Variants in RIF1 observed in about 807,000 individuals in gnomAD.
RIF1 encodes the protein telomere-associated protein RIF1.
Under a neutral mutation model 247.1 loss-of-function variants are expected in RIF1, and 45 were observed. The ratio of observed to expected loss-of-function variants is 0.18; its 90% confidence interval spans 0.14 to 0.23. The LOEUF is 0.23. Ranked by LOEUF, RIF1 falls within the 10% of genes least tolerant of loss-of-function variation. The pLI is 1.00. For synonymous variants in RIF1, 1,087 were observed against 978.8 expected (o/e 1.11, Z -2.06); for missense variants, 2,967 against 2,862.5 (o/e 1.04, Z -0.83).
chr2:151,473,960 C>G lies in RIF1; in HGVS notation c.7096-4C>G. The stretch of plus-strand genomic sequence containing the variant: ...CGTTTTTTTCTGCTCCAACTGTAAT[C>G]AAGGTGAAGACTCGTGGACTAGAAG... On this transcript the variant is annotated splice_polypyrimidine_tract_variant and splice_region_variant and intron_variant, in intron 34 of 35. Coordinates refer to ENST00000444746, the MANE Select transcript of RIF1 (RefSeq NM_018151.5). The G allele has an allele frequency of 6.6e-7, 1 of 1,507,278 alleles. No individual in the cohort carries two copies. The highest frequency in any genetic ancestry group is 9.2e-7 in the Non-Finnish European group (1 of 1,089,574). The allele number at this position is 1,507,278 out of a possible 1,614,324, so 93.4% of individuals were successfully genotyped here. A position where few individuals can be genotyped will look rare whatever the true frequency, so the allele number is the denominator to read the frequency against.
At chr2:151,492,564 T>C (rs1004370526) in intron 9 of RIF1, 4 of 1,142,624 alleles carry the variant, frequency 3.5e-6, no homozygotes, top group South Asian at 2.8e-5. Context: ...TTCCAGCAGA[T>C]AGAGATGGAT....
chr2:151,470,375 C>T (rs192475246), intron 34 of RIF1, among the ~76,000 whole-genome samples: 5 of 152,084 alleles, frequency 3.3e-5, no homozygotes, highest in African/African-American at 1.2e-4. Flanking sequence ...GACCCTCTAT[C>T]CATTGACACT....
rs749233800 is a variant in RIF1, at chr2:151,464,343, C to T, written c.4823C>T (p.Ser1608Phe). 2.2e-5 allele frequency: 35 copies of T among 1,610,456 alleles called. No homozygotes were observed. The South Asian group carries it at 3.8e-4, about 17-fold the overall frequency. Residue 1608 changes from serine (S) to phenylalanine (F), a missense_variant, in exon 30 of 36, where the codon TCT (serine) becomes TTT (phenylalanine). Physicochemically the swap from Ser to Phe is radical, Grantham distance 155. Around this residue, in one of 7 missense-constraint regions of RIF1, gnomAD observed 2,028 missense variants for 1,825.6 expected, o/e 1.11. Transcript: ENST00000444746. ...CAGTCACATGATTATAAAGCAACTTCTGAAGAAGATGTAAGCATAAAATCT... is the reference window on the plus strand; with the variant it reads ...CAGTCACATGATTATAAAGCAACTTTTGAAGAAGATGTAAGCATAAAATCT... ...ENQSHDYKAT[S>F]EEDVSIKSPI...
At chr2:151,470,326 A>G (rs556335708) in intron 34 of RIF1, among the ~76,000 whole-genome samples, 1 of 152,270 alleles carries the variant, frequency 6.6e-6, no homozygotes, top group South Asian at 2.1e-4. Flanking sequence ...TTTGTATATA[A>G]TTTCAGAAGG....
rs2048983962 is a variant in RIF1, at chr2:151,477,442, T to C, written c.*2371T>C. On this transcript the variant is annotated 3_prime_UTR_variant, in exon 36 of 36. Coordinates refer to ENST00000444746, the MANE Select transcript of RIF1 (RefSeq NM_018151.5). ...ATCTTTTTTTTTTTTTGAGACACAG[T>C]CTTGCTCTGTTGCCTATGCTGGAGT... The C allele has an allele frequency of 6.6e-6, 1 of 152,036 alleles. No homozygotes were observed. Among genetic ancestry groups the C allele is most frequent in the South Asian group, 2.1e-4 (1 of 4,824 alleles). 9.4% of individuals were successfully genotyped at this position (152,036 alleles called of 1,614,324 possible).
At chr2:151,415,563 CAAAAAAA>C (rs3040729) in intron 4 of RIF1, among the ~76,000 whole-genome samples, 5 of 44,870 alleles carry the variant, frequency 1.1e-4, no homozygotes, top group Admixed American at 3.5e-4. Context: ...GACTCTGTCT[CAAAAAAA>C]AAAAAAAAAA....
At chr2:151,423,108 T>G (rs1688444951) in intron 8 of RIF1, 66 bp downstream of exon 8, 2 of 861,132 alleles carry the variant, frequency 2.3e-6, no homozygotes, top group Admixed American at 4.3e-5. Context: ...TCTTACCTTT[T>G]CTTTGTACAG....
intron 1 of RIF1, 38 bp downstream of exon 1, chr2:151,410,071 G>T (rs1412937984): frequency 1.4e-6 from 1 of 702,464 alleles, no homozygotes; most frequent in South Asian, 1.5e-5. Context: ...TAGGCCGCGG[G>T]GAACCCTCAG....
chr2:151,493,959 CTA>C, intron 9 of RIF1: 1 of 960,250 alleles, frequency 1.0e-6, no homozygotes, highest in Non-Finnish European at 1.6e-6. Context: ...TATGTTTAAT[CTA>C]TTACTATTAG....
chr2:151,444,893 T>G (rs1226228907), intron 18 of RIF1, among the ~76,000 whole-genome samples: 1 of 152,216 alleles, frequency 6.6e-6, no homozygotes, highest in Non-Finnish European at 1.5e-5. Context: ...CTCTCACCGT[T>G]CTGGAGACCA....
In RIF1 at chr2:151,461,216, A is replaced by T. The variant is rs1248518450; in HGVS notation, c.3154A>T (p.Ile1052Leu). ...GGAAAAGTCTACTGACTTTGTGTTT[A>T]TACCTCCAGAAGGAAAAGATGCAAA... ...EEEKSTDFVFIPPEGKDAKER... is the reference protein window; with the variant it reads ...EEEKSTDFVFLPPEGKDAKER... Residue 1052 changes from isoleucine to leucine, a missense_variant, in exon 27 of 36, where the codon ATA becomes TTA. By Grantham distance (5) the Ile-to-Leu change is conservative. Transcript: ENST00000444746. 2 of 1,613,348 alleles carry T rather than the reference A, an allele frequency of 1.2e-6. No individual in the cohort carries two copies. Among genetic ancestry groups the T allele is most frequent in the Non-Finnish European group, 8.5e-7 (1 of 1,179,470 alleles).
chr2:151,496,244 G>GT, intron 10 of RIF1: 1 of 1,520,802 alleles, frequency 6.6e-7, no homozygotes, highest in Non-Finnish European at 9.0e-7. Context: ...TTTAAAATCA[G>GT]TAAGTAGTTT....
At chr2:151,415,054 G>GA in intron 4 of RIF1, 135 bp downstream of exon 4, 1 of 611,886 alleles carries the variant, frequency 1.6e-6, no homozygotes. Flanking sequence ...TTGCTTTTAA[G>GA]AAAGAAAGAA....
chr2:151,473,444 G>A (rs1377056592), intron 34 of RIF1, among the ~76,000 whole-genome samples: 3 of 151,124 alleles, frequency 2.0e-5, no homozygotes, highest in African/African-American at 4.9e-5. Flanking sequence ...TACAGGCACC[G>A]TAATTTTTGT....
At chr2:151,501,801 T>A (rs2064800301) in intron 11 of RIF1, among the ~76,000 whole-genome samples, 1 of 152,058 alleles carries the variant, frequency 6.6e-6, no homozygotes, top group South Asian at 2.1e-4. Context: ...CCATGAGTTG[T>A]TGGTAACATT....
chr2:151,531,746 G>C, the RIF1 span: 1 of 1,404,186 alleles, frequency 7.1e-7, no homozygotes, highest in Non-Finnish European at 1.0e-6. Flanking sequence ...CATGTTTGCA[G>C]ATGCCCCCTG....
At chr2:151,414,674 G>C (rs1558927534) in intron 3 of RIF1, 149 bp from the exon 4 acceptor site, 1 of 586,150 alleles carries the variant, frequency 1.7e-6, no homozygotes, top group Non-Finnish European at 3.0e-6. Flanking sequence ...TTTATTCCTT[G>C]TTTATTTTTA....
intron 21 of RIF1, among the ~76,000 whole-genome samples, chr2:151,453,759 G>GT (rs1335224184): frequency 1.3e-5 from 2 of 152,218 alleles, no homozygotes; most frequent in African/African-American, 4.8e-5. Context: ...AACACTTCCT[G>GT]TTTGTTTGAG....
At chr2:151,456,984 T>C (rs985036828) in intron 23 of RIF1, among the ~76,000 whole-genome samples, 4 of 152,208 alleles carry the variant, frequency 2.6e-5, no homozygotes, top group Non-Finnish European at 1.5e-5. Context: ...TTCGCCTGCC[T>C]CGGCTTCCCG....
Sources: gnomAD v4.1 joint callset for allele counts (sites outside exome capture counted in the v4.1 genomes callset) on GRCh38, gnomAD v4.1.1 for gene constraint, gnomAD v4.1.1 regional missense constraint, MANE v1.5 for transcripts, NCBI Gene and HGNC (gene_info 2026-07-23, HGNC 2026-07-21) for gene names.